CREB5: variants seen among roughly 807,000 people sequenced by gnomAD.
CREB5 encodes cAMP responsive element binding protein 5.
Under a neutral mutation model 57.1 loss-of-function variants are expected in CREB5, and 19 were observed. The ratio of observed to expected loss-of-function variants is 0.33; its 90% CI spans 0.23 to 0.49. CREB5 has a LOEUF of 0.49. Ranked by LOEUF, CREB5 falls within the 20% of genes least tolerant of loss-of-function variation. The probability of loss-of-function intolerance (pLI) is 0.99; values close to 1 mark genes in which losing one functional copy is unlikely to be tolerated. For synonymous variants in CREB5, 238 were observed against 238.3 expected, an observed-to-expected ratio of 1.00 and a Z score of 0.01; for missense variants, 579 against 671.6, an observed-to-expected ratio of 0.86 and a Z score of 1.52.
At chr7:28,530,598 G>A (rs1411586035) in intron 4 of CREB5, among the ~76,000 whole-genome samples, 1 of 152,178 alleles carries the variant, frequency 6.6e-6, no homozygotes, top group Non-Finnish European at 1.5e-5. Context: ...AAGGAGCTGC[G>A]ATTATCATAT....
In CREB5 at chr7:28,735,875, G is replaced by A. The variant is rs116423735; in HGVS notation, c.702+11543G>A. Among the ~76,000 whole-genome samples, 815 of 151,620 alleles carry A rather than the reference G, an allele frequency of 5.4e-3. 8 individuals carry two copies. The highest frequency in any genetic ancestry group is 0.019 in the African/African-American group (769 of 41,300). On this transcript the variant is annotated intron_variant, in intron 7 of 10. Coordinates refer to ENST00000357727, the MANE Select transcript of CREB5 (RefSeq NM_182898.4). ...GCTGGAGTGCAGTGGTAGAATCATA[G>A]CTCACTGCTGCCTCAAATTCTTGAG...
At chr7:28,532,843 T>C (rs1793787166) in intron 4 of CREB5, among the ~76,000 whole-genome samples, 1 of 152,216 alleles carries the variant, frequency 6.6e-6, no homozygotes, top group African/African-American at 2.4e-5. Context: ...TCACCCTAAG[T>C]GTTCTCATCT....
chr7:28,806,982 G>T (rs527687971), intron 8 of CREB5, among the ~76,000 whole-genome samples: 1 of 152,334 alleles, frequency 6.6e-6, no homozygotes, highest in East Asian at 1.9e-4. Flanking sequence ...TTTCTTTGCA[G>T]TAGTTAGCTC....
intron 8 of CREB5, among the ~76,000 whole-genome samples, chr7:28,806,153 T>A (rs1808719749): frequency 1.3e-5 from 2 of 152,220 alleles, no homozygotes; most frequent in Admixed American, 1.3e-4. Flanking sequence ...TCTTTGAATA[T>A]AAAAGCCATT....
At chr7:28,731,876 G>A (rs961086578) in intron 7 of CREB5, among the ~76,000 whole-genome samples, 1 of 152,178 alleles carries the variant, frequency 6.6e-6, no homozygotes, top group African/African-American at 2.4e-5. Context: ...CAGAGACTTG[G>A]TGGTCTTGAC....
chr7:28,709,162 A>G (rs1389862896), intron 5 of CREB5, among the ~76,000 whole-genome samples: 1 of 152,172 alleles, frequency 6.6e-6, no homozygotes, highest in Non-Finnish European at 1.5e-5. Flanking sequence ...TTTATGAATA[A>G]TTGATGGAAC....
At chr7:28,727,658 G>A (rs1159524058) in intron 7 of CREB5, among the ~76,000 whole-genome samples, 1 of 152,162 alleles carries the variant, frequency 6.6e-6, no homozygotes, top group South Asian at 2.1e-4. Context: ...AACCAGTAAC[G>A]ATTTGGAAGC....
chr7:28,709,186 G>A (rs1331131513), intron 5 of CREB5, among the ~76,000 whole-genome samples: 1 of 152,250 alleles, frequency 6.6e-6, no homozygotes. Flanking sequence ...GAAGTTATTG[G>A]CTGATTGAAA....
chr7:28,406,889 A>G (rs1258640654), intron 1 of CREB5, among the ~76,000 whole-genome samples: 2 of 149,262 alleles, frequency 1.3e-5, no homozygotes. Flanking sequence ...ATTATGGGGT[A>G]AAGGTTCCCT....
chr7:28,633,442 A>G (rs1798283339), intron 5 of CREB5, among the ~76,000 whole-genome samples: 1 of 152,172 alleles, frequency 6.6e-6, no homozygotes, highest in African/African-American at 2.4e-5. Context: ...TCTCTCAGCT[A>G]GAACTCTTGG....
chr7:28,805,481 C>CA, intron 8 of CREB5, among the ~76,000 whole-genome samples: 1 of 152,128 alleles, frequency 6.6e-6, no homozygotes, highest in African/African-American at 2.4e-5. Flanking sequence ...ATGGAACCGC[C>CA]AAAAAACACT....
intron 1 of CREB5, among the ~76,000 whole-genome samples, chr7:28,312,728 A>T (rs1785303934): frequency 6.6e-6 from 1 of 152,126 alleles, no homozygotes; most frequent in Non-Finnish European, 1.5e-5. Flanking sequence ...CATCTCCAGA[A>T]ATTAGTCCCA....
chr7:28,601,637 A>G (rs1206369806), intron 5 of CREB5, among the ~76,000 whole-genome samples: 1 of 152,300 alleles, frequency 6.6e-6, no homozygotes, highest in Admixed American at 6.5e-5. Flanking sequence ...GCTTTTATGT[A>G]TGGTGTCTTA....
At chr7:28,727,761 A>G (rs763218637) in intron 7 of CREB5, among the ~76,000 whole-genome samples, 6 of 152,178 alleles carry the variant, frequency 3.9e-5, no homozygotes, top group African/African-American at 7.2e-5. Context: ...TATAGGACTG[A>G]TTAAAATGAT....
chr7:28,560,925 CGTGCGT>C (rs1298003472), intron 4 of CREB5, among the ~76,000 whole-genome samples: 35 of 33,468 alleles, frequency 1.0e-3, no homozygotes, highest in African/African-American at 1.7e-3. Flanking sequence ...CGTGTGTGCG[CGTGCGT>C]GTGTGCGTGC....
At chr7:28,634,422 A>G (rs1798328961) in intron 5 of CREB5, among the ~76,000 whole-genome samples, 1 of 152,168 alleles carries the variant, frequency 6.6e-6, no homozygotes, top group African/African-American at 2.4e-5. Context: ...ATATTTTAAA[A>G]TGTATATTGT....
At chr7:28,513,028 G>C (rs1792780559) in intron 4 of CREB5, among the ~76,000 whole-genome samples, 1 of 152,210 alleles carries the variant, frequency 6.6e-6, no homozygotes, top group Admixed American at 6.5e-5. Flanking sequence ...GCATGGTGGG[G>C]TCAGCCTCAG....
At chr7:28,744,537 G>A (rs567865569) in intron 7 of CREB5, among the ~76,000 whole-genome samples, 1 of 151,720 alleles carries the variant, frequency 6.6e-6, no homozygotes, top group South Asian at 2.1e-4. Flanking sequence ...TAGTAGAGAC[G>A]GGGTTTCACC....
At chr7:28,689,864 T>C (rs1237791477) in intron 5 of CREB5, among the ~76,000 whole-genome samples, 1 of 151,796 alleles carries the variant, frequency 6.6e-6, no homozygotes, top group Admixed American at 6.6e-5. Context: ...CAGGATCTCT[T>C]AGAAAAGTTT....
Sources: gnomAD v4.1 joint callset for allele counts (sites outside exome capture counted in the v4.1 genomes callset) on GRCh38, gnomAD v4.1.1 for gene constraint, MANE v1.5 for transcripts, NCBI Gene and HGNC (gene_info 2026-07-23, HGNC 2026-07-21) for gene names.